CHST11: variants seen among roughly 807,000 people sequenced by gnomAD.
CHST11 encodes carbohydrate sulfotransferase 11.
In CHST11, 9 loss-of-function variants were observed where a neutral mutation model predicts 30.4. The observed-to-expected ratio is 0.30, with a 90% CI of 0.18 to 0.52. The LOEUF is 0.52. CHST11 is among the 20% of genes least tolerant of loss of function. The pLI, the probability that CHST11 is intolerant of heterozygous loss-of-function variation, is 0.97. For missense variants in CHST11, 348 were observed against 460.6 expected (o/e 0.76, Z 2.24); for synonymous variants, 152 against 187.8 (o/e 0.81, Z 1.56).
chr12:104,576,464 G>C (rs1174936419), intron 1 of CHST11, among the ~76,000 whole-genome samples: 2 of 152,190 alleles, frequency 1.3e-5, no homozygotes, highest in Admixed American at 6.5e-5. Flanking sequence ...CCGTCCACTA[G>C]AAAGGGAAAG....
intron 2 of CHST11, among the ~76,000 whole-genome samples, chr12:104,708,845 G>A (rs918010907): frequency 3.3e-5 from 5 of 152,202 alleles, no homozygotes; most frequent in African/African-American, 9.7e-5. Context: ...CCTGCGATGC[G>A]GCAGGGGCCC....
intron 1 of CHST11, among the ~76,000 whole-genome samples, chr12:104,589,419 A>T (rs936429167): frequency 7.2e-6 from 1 of 138,458 alleles, no homozygotes; most frequent in Admixed American, 7.5e-5. Context: ...AAAAAAAAAA[A>T]TTCAAATTCA....
At chr12:104,692,919 A>T (rs2039910508) in intron 2 of CHST11, among the ~76,000 whole-genome samples, 1 of 145,134 alleles carries the variant, frequency 6.9e-6, no homozygotes, top group African/African-American at 2.6e-5. Context: ...CCATGAAACC[A>T]GTCCCTGGTA....
chr12:104,477,391 G>A (rs1428162769), intron 1 of CHST11, among the ~76,000 whole-genome samples: 1 of 152,176 alleles, frequency 6.6e-6, no homozygotes, highest in East Asian at 1.9e-4. Flanking sequence ...TCTGCAAAGC[G>A]TGGGCTGGCA....
intron 1 of CHST11, among the ~76,000 whole-genome samples, chr12:104,596,156 C>T (rs1456500929): frequency 6.6e-6 from 1 of 152,220 alleles, no homozygotes; most frequent in Non-Finnish European, 1.5e-5. Context: ...ATTGCTCACT[C>T]CTCTAACTTG....
At chr12:104,475,658 T>TTATATATATATATATATATATATA (rs67453124) in intron 1 of CHST11, among the ~76,000 whole-genome samples, 15 of 34,110 alleles carry the variant, frequency 4.4e-4, no homozygotes, top group Admixed American at 1.4e-3. Flanking sequence ...TAAAGCAGCA[T>TTATATATATATATATATATATATA]TATATATATA....
Position 104,458,790 on chromosome 12 carries a change from T to G in CHST11, c.118+1261T>G, listed in dbSNP as rs2135946352. On this transcript the variant is annotated intron_variant, in intron 1 of 2. Coordinates refer to ENST00000303694, the MANE Select transcript of CHST11 (RefSeq NM_018413.6). The surrounding 1 kb of genome is among the most constrained non-coding windows in gnomAD (Gnocchi z 5.7). ...GGAAACGCATTTCCTTCCAGGGAAGTGGGGTTGGTGTTTTTCATTTTTGCC... is the reference window on the plus strand; with the variant it reads ...GGAAACGCATTTCCTTCCAGGGAAGGGGGGTTGGTGTTTTTCATTTTTGCC... Among the ~76,000 whole-genome samples the G allele has an allele frequency of 6.6e-6, 1 of 152,214 alleles. No homozygotes were observed. Among genetic ancestry groups the G allele is most frequent in the South Asian group, 2.1e-4 (1 of 4,820 alleles).
At chr12:104,681,898 T>TCGC (rs2039800215) in intron 2 of CHST11, among the ~76,000 whole-genome samples, 1 of 143,124 alleles carries the variant, frequency 7.0e-6, no homozygotes, top group Non-Finnish European at 1.5e-5. Flanking sequence ...TGGTGCGATC[T>TCGC]CGGCTCCCTG....
chr12:104,487,076 A>G (rs1267494831), intron 1 of CHST11, among the ~76,000 whole-genome samples: 1 of 152,216 alleles, frequency 6.6e-6, no homozygotes, highest in Non-Finnish European at 1.5e-5. Context: ...TGAAGAACAC[A>G]GGCTTGCCAG....
At chr12:104,635,263 CA>C (rs1422026387) in intron 2 of CHST11, among the ~76,000 whole-genome samples, 2 of 152,198 alleles carry the variant, frequency 1.3e-5, no homozygotes, top group African/African-American at 4.8e-5. Flanking sequence ...CTGTGAAAGA[CA>C]GCGTGGGAGG....
At chr12:104,742,898 C>T (rs1054800894) in intron 2 of CHST11, among the ~76,000 whole-genome samples, 9 of 152,248 alleles carry the variant, frequency 5.9e-5, no homozygotes, top group South Asian at 4.1e-4. Context: ...TGAGAGTCCC[C>T]GCTCTTCTCT....
intron 2 of CHST11, among the ~76,000 whole-genome samples, chr12:104,743,779 C>T (rs184270853): frequency 6.6e-6 from 1 of 152,174 alleles, no homozygotes; most frequent in African/African-American, 2.4e-5. Flanking sequence ...TTCCACCCTC[C>T]AAAAGGCCCC....
chr12:104,745,425 T>G (rs946529541), intron 2 of CHST11, among the ~76,000 whole-genome samples: 1 of 152,220 alleles, frequency 6.6e-6, no homozygotes, highest in African/African-American at 2.4e-5. Flanking sequence ...ATTCGGGCTC[T>G]TTTTTGGTTC....
At chr12:104,579,744 C>T (rs541004953) in intron 1 of CHST11, among the ~76,000 whole-genome samples, 1 of 152,184 alleles carries the variant, frequency 6.6e-6, no homozygotes, top group African/African-American at 2.4e-5. Flanking sequence ...GTTGCCCGCT[C>T]TAATTGTGTA....
rs187418107 is a variant in CHST11, at chr12:104,556,708, C to T, written c.119-45198C>T. ...GATTTCCCTCTTCTTGGGCTGGGTG[C>T]GGTGGCTCACGCCTGTAATCCCAGC... On this transcript the variant is annotated intron_variant, in intron 1 of 2. Coordinates refer to ENST00000303694, the MANE Select transcript of CHST11 (RefSeq NM_018413.6). 8.0e-4 allele frequency among the ~76,000 whole-genome samples: 122 copies of T among 152,280 alleles called. 1 individual carries two copies. The highest frequency in any genetic ancestry group is 1.4e-3 in the Admixed American group (21 of 15,296).
intron 1 of CHST11, among the ~76,000 whole-genome samples, chr12:104,472,048 C>T (rs950431436): frequency 1.2e-4 from 18 of 152,154 alleles, no homozygotes; most frequent in Non-Finnish European, 2.1e-4. Flanking sequence ...GCAACTTTGA[C>T]CTCCTGGGCT....
rs576474480 is a variant in CHST11, at chr12:104,733,255, A to C, written c.205-23694A>C. Reference sequence around the variant, plus strand: ...TGTTTTTGCTAGATGCAAAATCTGGAGTCTAGCTTTCCAGATCCCACAGGG... The same window carrying C: ...TGTTTTTGCTAGATGCAAAATCTGGCGTCTAGCTTTCCAGATCCCACAGGG... On this transcript the variant is annotated intron_variant, in intron 2 of 2. Transcript: ENST00000303694. 1.5e-4 allele frequency among the ~76,000 whole-genome samples: 23 copies of C among 152,374 alleles called. No homozygotes were observed. In the South Asian group the frequency reaches 4.8e-3, roughly 32 times the overall value.
chr12:104,532,948 T>C lies in CHST11; in HGVS notation c.119-68958T>C, dbSNP rs77143142. On this transcript the variant is annotated intron_variant, in intron 1 of 2. Transcript: ENST00000303694. ...GTCACTGCCAAATCTTTTTTCTTTT[T>C]ATTTCCTTTTAGAGATAGGTTCTCG... Among the ~76,000 whole-genome samples the C allele has an allele frequency of 7.4e-3, 1,124 of 152,288 alleles. 14 individuals are homozygous for C. Among genetic ancestry groups the C allele is most frequent in the African/African-American group, 0.026 (1,100 of 41,546 alleles).
At chr12:104,680,748 T>C (rs993751492) in intron 2 of CHST11, among the ~76,000 whole-genome samples, 7 of 152,204 alleles carry the variant, frequency 4.6e-5, no homozygotes, top group African/African-American at 1.7e-4. Context: ...ACCCTGACTT[T>C]TAACTTATAC....
Sources: gnomAD v4.1 joint callset for allele counts (sites outside exome capture counted in the v4.1 genomes callset) on GRCh38, gnomAD v4.1.1 for gene constraint, Gnocchi (gnomAD v3.1) non-coding constraint, MANE v1.5 for transcripts, NCBI Gene and HGNC (gene_info 2026-07-23, HGNC 2026-07-21) for gene names.